Variants in ADGRL3 observed in about 807,000 individuals in gnomAD.
ADGRL3 encodes calcium-independent alpha-latrotoxin receptor 3.
Under a neutral mutation model 153.5 loss-of-function variants are expected in ADGRL3, and 62 were observed. That is an observed-to-expected ratio of 0.40 (90% CI 0.33 to 0.50). The LOEUF (loss-of-function observed/expected upper bound fraction) is 0.50. Ranked by LOEUF, ADGRL3 falls within the 20% of genes least tolerant of loss-of-function variation. The pLI is 0.47. For synonymous variants in ADGRL3, 710 were observed against 672.5 expected, an observed-to-expected ratio of 1.06 and a Z score of -0.86; for missense variants, 1,641 against 1,859.4, an observed-to-expected ratio of 0.88 and a Z score of 2.16.
At chr4:61,471,002 A>G (rs1380208548) in intron 2 of ADGRL3, among the ~76,000 whole-genome samples, 2 of 151,928 alleles carry the variant, frequency 1.3e-5, no homozygotes, top group African/African-American at 4.8e-5. Context: ...GGACTTAAAT[A>G]CAGTATATAT....
intron 25 of ADGRL3, among the ~76,000 whole-genome samples, chr4:62,054,936 CTGAT>C (rs971446994): frequency 1.6e-4 from 24 of 151,560 alleles, no homozygotes; most frequent in Admixed American, 5.3e-4. Context: ...ATTTCATACT[CTGAT>C]TGGCAAAAAT....
intron 2 of ADGRL3, chr4:61,426,658 C>T (rs1239676632): frequency 1.3e-5 from 2 of 152,266 alleles, no homozygotes; most frequent in East Asian, 1.9e-4. Flanking sequence ...CATCTGGTTT[C>T]CCCCCAAGCC....
chr4:61,479,413 T>C (rs2098107530), intron 2 of ADGRL3, among the ~76,000 whole-genome samples: 2 of 152,086 alleles, frequency 1.3e-5, no homozygotes, highest in Non-Finnish European at 2.9e-5. Context: ...ATAGAGTACC[T>C]TGGTGAAAAA....
At chr4:61,810,038 C>G (rs1251258355) in intron 8 of ADGRL3, among the ~76,000 whole-genome samples, 3 of 152,036 alleles carry the variant, frequency 2.0e-5, no homozygotes, top group African/African-American at 7.2e-5. Flanking sequence ...ATCTGGGTAG[C>G]AACACAGGCT....
intron 2 of ADGRL3, among the ~76,000 whole-genome samples, chr4:61,450,877 C>A (rs1578930202): frequency 1.3e-5 from 2 of 152,114 alleles, no homozygotes; most frequent in African/African-American, 4.8e-5. Flanking sequence ...AATGAAGAGT[C>A]ATAACTGCTT....
intron 1 of ADGRL3, among the ~76,000 whole-genome samples, chr4:61,328,707 T>G (rs539169969): frequency 6.6e-6 from 1 of 152,194 alleles, no homozygotes; most frequent in Non-Finnish European, 1.5e-5. Flanking sequence ...AGTTATTTAA[T>G]TTTCAAAGTA....
In ADGRL3 at chr4:61,847,434, A is replaced by T. The variant is rs927835747; in HGVS notation, c.1480+33545A>T. On this transcript the variant is annotated intron_variant, in intron 9 of 26. Coordinates refer to ENST00000683033, the MANE Select transcript of ADGRL3 (RefSeq NM_001387552.1). ...CACACCAAATCTATAGTGCCATTTT[A>T]AAAAATGTCTGCAAACCTAAGGGGC... Among the ~76,000 whole-genome samples, 2 of 149,630 alleles carry T rather than the reference A, an allele frequency of 1.3e-5. 1 individual carries two copies. Among genetic ancestry groups the T allele is most frequent in the African/African-American group, 4.9e-5 (2 of 40,548 alleles).
At chr4:61,831,521 C>T (rs1367784405) in intron 9 of ADGRL3, among the ~76,000 whole-genome samples, 1 of 150,316 alleles carries the variant, frequency 6.7e-6, no homozygotes, top group African/African-American at 2.5e-5. Context: ...TTTAAAAGCC[C>T]TGGTACTGTG....
rs34888023 is a variant in ADGRL3, at chr4:61,305,174, C to CT, written c.-239-77938dup. ...TTGGAACAGCAGATTTTGCAAGTGA[C>CT]TTTTTTTTTTTTAACTATTTTGAGT... On this transcript the variant is annotated intron_variant, in intron 1 of 26. Transcript: ENST00000683033. Among the ~76,000 whole-genome samples the CT allele has an allele frequency of 2.6e-3, 377 of 146,248 alleles. 1 individual carries two copies. Among genetic ancestry groups the CT allele is most frequent in the African/African-American group, 6.5e-3 (259 of 39,812 alleles).
At chr4:61,789,104 T>C (rs924153009) in intron 8 of ADGRL3, among the ~76,000 whole-genome samples, 1 of 152,132 alleles carries the variant, frequency 6.6e-6, no homozygotes, top group Non-Finnish European at 1.5e-5. Context: ...GAACTAAAGA[T>C]ATGTTGTTTA....
intron 8 of ADGRL3, among the ~76,000 whole-genome samples, chr4:61,747,426 AT>A: frequency 6.6e-6 from 1 of 152,018 alleles, no homozygotes; most frequent in East Asian, 1.9e-4. Flanking sequence ...TTAGACCAAT[AT>A]CTTTGATGAA....
Position 61,587,273 on chromosome 4 carries a change from A to C in ADGRL3, c.306A>C (p.Leu102=), listed in dbSNP as rs751974892. The change falls in exon 5 of 27, where the codon CTA becomes CTC. Residue 102 remains leucine (L), a synonymous_variant. Coordinates refer to ENST00000683033, the MANE Select transcript of ADGRL3 (RefSeq NM_001387552.1). Reference sequence around the variant, plus strand: ...CAATGGCTGTGGTCCGCAGAGAGCTATCCTGTGAGAGCTATCCTATAGAGC... The same window carrying C: ...CAATGGCTGTGGTCCGCAGAGAGCTCTCCTGTGAGAGCTATCCTATAGAGC... ...PIPMAVVRRE[L]SCESYPIELR... The C allele has an allele frequency of 6.2e-7, 1 of 1,610,508 alleles. No homozygotes were observed. Among genetic ancestry groups the C allele is most frequent in the South Asian group, 1.1e-5 (1 of 90,570 alleles).
intron 5 of ADGRL3, among the ~76,000 whole-genome samples, chr4:61,621,817 T>G (rs1461268515): frequency 6.6e-6 from 1 of 152,170 alleles, no homozygotes; most frequent in Non-Finnish European, 1.5e-5. Context: ...AAATTTAAAA[T>G]TAAAGAAGAA....
intron 4 of ADGRL3, among the ~76,000 whole-genome samples, chr4:61,579,970 C>T (rs1168477332): frequency 1.3e-5 from 2 of 151,970 alleles, no homozygotes; most frequent in African/African-American, 4.8e-5. Context: ...ATTTTCAGAG[C>T]ACATTTCTTA....
rs1184679141 is a variant in ADGRL3 at position 62,012,184 on chromosome 4, G to A, written c.3395+13919G>A. ...TGGAGATAAAGTGAAACTTTGTGAGGCATTGAAGTTAAACATTCCACTGTA... is the reference window on the plus strand; with the variant it reads ...TGGAGATAAAGTGAAACTTTGTGAGACATTGAAGTTAAACATTCCACTGTA... On this transcript the variant is annotated intron_variant, in intron 21 of 26. Coordinates refer to ENST00000683033, the MANE Select transcript of ADGRL3 (RefSeq NM_001387552.1). Among the ~76,000 whole-genome samples, 13 of 152,050 alleles carry A rather than the reference G, an allele frequency of 8.5e-5. 1 individual carries two copies. The South Asian group carries it at 2.7e-3, about 32-fold the overall frequency.
chr4:61,419,766 A>T (rs2097181836), intron 2 of ADGRL3, among the ~76,000 whole-genome samples: 1 of 151,518 alleles, frequency 6.6e-6, no homozygotes, highest in African/African-American at 2.4e-5. Context: ...ACATATTTAG[A>T]TTTATTTTCA....
At chr4:61,373,193 G>A (rs1046095425) in intron 1 of ADGRL3, among the ~76,000 whole-genome samples, 18 of 152,128 alleles carry the variant, frequency 1.2e-4, no homozygotes, top group South Asian at 4.1e-4. Context: ...CGTCTTCGTC[G>A]CTCAGGCTGG....
intron 9 of ADGRL3, among the ~76,000 whole-genome samples, chr4:61,869,191 A>C (rs903673719): frequency 1.3e-5 from 2 of 151,974 alleles, no homozygotes; most frequent in Non-Finnish European, 2.9e-5. Context: ...CCACCTTCCT[A>C]CCTTGGTCTC....
intron 8 of ADGRL3, among the ~76,000 whole-genome samples, chr4:61,767,101 A>G (rs2096995079): frequency 6.6e-6 from 1 of 151,912 alleles, no homozygotes; most frequent in Admixed American, 6.6e-5. Flanking sequence ...GGGGTGCATG[A>G]TTGGTCGCCA....
Sources: allele counts gnomAD v4.1 joint callset (sites outside exome capture counted in the v4.1 genomes callset), GRCh38; gene constraint gnomAD v4.1.1; transcripts MANE v1.5; gene names NCBI Gene and HGNC (gene_info 2026-07-23, HGNC 2026-07-21).